Variants in CCDC85C observed in about 807,000 individuals in gnomAD.
CCDC85C encodes coiled-coil domain-containing protein 85C.
Under a neutral mutation model 38.3 loss-of-function variants are expected in CCDC85C, and 18 were observed. The ratio of observed to expected loss-of-function variants is 0.47; its 90% CI spans 0.33 to 0.70. The LOEUF (loss-of-function observed/expected upper bound fraction) is 0.70. Ranked by LOEUF, CCDC85C falls within the 30% of genes least tolerant of loss-of-function variation. The probability of loss-of-function intolerance (pLI) is 0.03; values close to 1 mark genes in which losing one functional copy is unlikely to be tolerated. For missense variants in CCDC85C, 566 were observed against 621.2 expected (o/e 0.91, Z 0.94); for synonymous variants, 264 against 293.8 (o/e 0.90, Z 1.04).
intron 2 of CCDC85C, among the ~76,000 whole-genome samples, chr14:99,527,281 GC>G (rs1483248124): frequency 2.0e-5 from 3 of 152,210 alleles, no homozygotes; most frequent in Non-Finnish European, 4.4e-5. Flanking sequence ...CCCAGCCCAA[GC>G]CCAGGGCTGG....
Position 99,501,388 on chromosome 14 carries a change from A to T in CCDC85C, c.*13858T>A. ...AAACAAAATTCAAAAGTTGGTTCAA[A>T]TGGCATGGACATTTGTAAATGACAG... is the stretch of plus-strand genomic sequence containing the variant. On this transcript the variant is annotated 3_prime_UTR_variant, in exon 6 of 6. Transcript: ENST00000380243. 1 of 1,606,950 alleles carries T rather than the reference A, an allele frequency of 6.2e-7. No homozygotes were observed. Among genetic ancestry groups the T allele is most frequent in the Non-Finnish European group, 8.5e-7 (1 of 1,175,150 alleles).
Position 99,501,237 on chromosome 14 carries a change from A to G in CCDC85C, c.*14009T>C, listed in dbSNP as rs1402233291. 2.8e-6 allele frequency: 2 copies of G among 705,184 alleles called. No individual in the cohort carries two copies. Among genetic ancestry groups the G allele is most frequent in the Non-Finnish European group, 5.1e-6 (2 of 394,734 alleles). 43.7% of individuals were successfully genotyped at this position (705,184 alleles called of 1,614,324 possible). A position where few individuals can be genotyped will look rare whatever the true frequency, so the allele number is the denominator to read the frequency against. On this transcript the variant is annotated 3_prime_UTR_variant, in exon 6 of 6. Transcript: ENST00000380243. ...ATCATTCATCCTTGTTTCCCACGCAAAAGCTCTTTGCTGTGTATTTGAGTG... is the reference window on the plus strand; with the variant it reads ...ATCATTCATCCTTGTTTCCCACGCAGAAGCTCTTTGCTGTGTATTTGAGTG...
intron 3 of CCDC85C, among the ~76,000 whole-genome samples, chr14:99,518,094 C>T (rs1462291378): frequency 2.6e-5 from 4 of 152,140 alleles, no homozygotes; most frequent in South Asian, 2.1e-4. Flanking sequence ...GCCCTGATGA[C>T]GCCTCCCAAC....
At chr14:99,579,701 G>A (rs1057279811) in intron 1 of CCDC85C, among the ~76,000 whole-genome samples, 4 of 152,114 alleles carry the variant, frequency 2.6e-5, no homozygotes, top group African/African-American at 7.2e-5. Flanking sequence ...GGGAGGCAGC[G>A]GGAGGCAGGG....
At position 99,588,659 on chromosome 14, in the gene CCDC85C, T is replaced by C. The variant is rs1198984524; in HGVS notation, c.793+14508A>G. The stretch of plus-strand genomic sequence containing the variant: ...AGGGTCCCCTGGCTGCCCTTTCTGG[T>C]CTGGGGTCAGGTCATTCCCCCACCC... On this transcript the variant is annotated intron_variant, in intron 1 of 5. Transcript: ENST00000380243. The surrounding 1 kb of genome is among the most constrained non-coding windows in gnomAD (Gnocchi z 5.0). Among the ~76,000 whole-genome samples the C allele has an allele frequency of 2.0e-5, 3 of 151,958 alleles. No individual in the cohort carries two copies. Among genetic ancestry groups the C allele is most frequent in the African/African-American group, 4.8e-5 (2 of 41,370 alleles).
At chr14:99,547,821 T>C (rs1435146674) in intron 1 of CCDC85C, among the ~76,000 whole-genome samples, 1 of 151,898 alleles carries the variant, frequency 6.6e-6, no homozygotes, top group African/African-American at 2.4e-5. Flanking sequence ...TTCATATATA[T>C]TTATGGGTAT....
At position 99,604,098 on chromosome 14, in the gene CCDC85C, T is replaced by G; in HGVS notation, c.-139A>C. 1.4e-6 allele frequency: 1 copy of G among 718,824 alleles called. No individual in the cohort carries two copies. The highest frequency in any genetic ancestry group is 2.0e-5 in the African/African-American group (1 of 49,962). The allele number at this position is 718,824 out of a possible 1,614,324, so 44.5% of individuals were successfully genotyped here. A position where few individuals can be genotyped will look rare whatever the true frequency, so the allele number is the denominator to read the frequency against. ...GGCCCGCCCCGCGCCGCCTGGCGCG[T>G]CCTCTCGCCGCGCCCGCCGGGGCCG... On this transcript the variant is annotated 5_prime_UTR_variant, in exon 1 of 6. Transcript: ENST00000380243.
intron 1 of CCDC85C, among the ~76,000 whole-genome samples, chr14:99,563,422 G>C (rs554443462): frequency 6.6e-6 from 1 of 152,266 alleles, no homozygotes; most frequent in African/African-American, 2.4e-5. Context: ...ACTGGCCCAA[G>C]CCACGCCCCC....
chr14:99,519,884 T>C (rs927985184), intron 3 of CCDC85C, among the ~76,000 whole-genome samples: 1 of 152,088 alleles, frequency 6.6e-6, no homozygotes, highest in African/African-American at 2.4e-5. Flanking sequence ...AACCAGTCGG[T>C]GGTTGCTGGT....
chr14:99,570,151 GCCTCACATACCTCATCCCAT>G (rs1352035036), intron 1 of CCDC85C, among the ~76,000 whole-genome samples: 1 of 152,024 alleles, frequency 6.6e-6, no homozygotes, highest in East Asian at 1.9e-4. Context: ...TGTTCTGAGT[GCCTCACATACCTCATCCCAT>G]CCAGCCCTCA....
intron 1 of CCDC85C, among the ~76,000 whole-genome samples, chr14:99,590,625 A>C (rs1248013101): frequency 2.0e-5 from 3 of 152,150 alleles, no homozygotes; most frequent in Admixed American, 2.0e-4. Flanking sequence ...AGAAAAAAAG[A>C]AACCAGAAGG....
intron 1 of CCDC85C, among the ~76,000 whole-genome samples, chr14:99,543,740 G>A (rs1192976928): frequency 1.3e-5 from 2 of 152,144 alleles, no homozygotes; most frequent in East Asian, 3.9e-4. Context: ...GCCAATCCCA[G>A]CTGACACCAG....
chr14:99,534,458 CCAGAT>C (rs1897553477), intron 2 of CCDC85C, among the ~76,000 whole-genome samples: 1 of 152,166 alleles, frequency 6.6e-6, no homozygotes, highest in African/African-American at 2.4e-5. Context: ...CAAAGAAACT[CCAGAT>C]CAGGGCAGAC....
chr14:99,515,590 C>T (rs138875902), intron 5 of CCDC85C, among the ~76,000 whole-genome samples: 192 of 152,258 alleles, frequency 1.3e-3, no homozygotes, highest in African/African-American at 4.5e-3. Flanking sequence ...ACAGGCCCCA[C>T]TAGGTGATGC....
intron 2 of CCDC85C, among the ~76,000 whole-genome samples, chr14:99,530,957 T>C (rs1196620105): frequency 2.0e-5 from 3 of 152,208 alleles, no homozygotes; most frequent in African/African-American, 7.2e-5. Flanking sequence ...GAAATAAATT[T>C]CTGTGGTTTA....
In CCDC85C at chr14:99,544,390, G is replaced by A. The variant is rs1365498803; in HGVS notation, c.794-8302C>T. On this transcript the variant is annotated intron_variant, in intron 1 of 5. Transcript: ENST00000380243. The surrounding 1 kb of genome is among the most constrained non-coding windows in gnomAD (Gnocchi z 5.3). ...AAGCTTTGCCTGGCAAGGAGGCACAGCAACTTTCACCTACTCCCCCAACAA... is the reference window on the plus strand; with the variant it reads ...AAGCTTTGCCTGGCAAGGAGGCACAACAACTTTCACCTACTCCCCCAACAA... Among the ~76,000 whole-genome samples the A allele has an allele frequency of 6.6e-6, 1 of 152,142 alleles. No homozygotes were observed. Among genetic ancestry groups the A allele is most frequent in the Non-Finnish European group, 1.5e-5 (1 of 68,026 alleles).
At chr14:99,532,783 T>C (rs1221680205) in intron 2 of CCDC85C, among the ~76,000 whole-genome samples, 51 of 35,600 alleles carry the variant, frequency 1.4e-3, no homozygotes, top group Non-Finnish European at 2.8e-3. Flanking sequence ...CTTCTTCTTC[T>C]TTTTTTTTTT....
rs1436582960 is a variant in CCDC85C at position 99,505,978 on chromosome 14, A to C, written c.*9268T>G. On this transcript the variant is annotated 3_prime_UTR_variant, in exon 6 of 6. Transcript: ENST00000380243. ...ACTATTACCAGCTGTGGAAAAAGGC[A>C]GGAGGTGGGTCCCTGAGGTGAGAGT... is the stretch of plus-strand genomic sequence containing the variant. The C allele has an allele frequency of 1.3e-5, 2 of 152,564 alleles. No individual in the cohort carries two copies. The highest frequency in any genetic ancestry group is 2.9e-5 in the Non-Finnish European group (2 of 68,242). The allele number at this position is 152,564 out of a possible 1,614,324, so 9.5% of individuals were successfully genotyped here. A position where few individuals can be genotyped will look rare whatever the true frequency, so the allele number is the denominator to read the frequency against.
At chr14:99,524,965 T>G (rs1897355804) in intron 2 of CCDC85C, among the ~76,000 whole-genome samples, 1 of 152,194 alleles carries the variant, frequency 6.6e-6, no homozygotes, top group South Asian at 2.1e-4. Context: ...TCCCGAATCC[T>G]TAACAGGGTG....
Sources: allele counts gnomAD v4.1 joint callset (sites outside exome capture counted in the v4.1 genomes callset), GRCh38; gene constraint gnomAD v4.1.1; non-coding constraint Gnocchi (gnomAD v3.1); transcripts MANE v1.5; gene names NCBI Gene and HGNC (gene_info 2026-07-23, HGNC 2026-07-21).